Variants in PML observed in about 807,000 individuals in gnomAD.
PML encodes the protein PML nuclear body scaffold, also known as protein PML.
In PML, 28 loss-of-function variants were observed where a neutral mutation model predicts 65.2. That is an observed-to-expected ratio of 0.43 (90% CI 0.32 to 0.59). PML has a LOEUF of 0.59. PML is among the 20% of genes least tolerant of loss of function. The pLI, the probability that PML is intolerant of heterozygous loss-of-function variation, is 0.08. For synonymous variants in PML, 500 were observed against 508.8 expected, an observed-to-expected ratio of 0.98 and a Z score of 0.23; for missense variants, 1,021 against 1,203.4, an observed-to-expected ratio of 0.85 and a Z score of 2.24.
intron 2 of PML, among the ~76,000 whole-genome samples, chr15:74,006,426 G>A (rs371947125): frequency 1.3e-4 from 19 of 151,094 alleles, no homozygotes; most frequent in African/African-American, 3.9e-4. Context: ...AAAAACAGGA[G>A]CTTTTTAGCA....
intron 2 of PML, among the ~76,000 whole-genome samples, chr15:74,009,669 G>GTGCAATTATA: frequency 6.6e-6 from 1 of 152,186 alleles, no homozygotes; most frequent in South Asian, 2.1e-4. Flanking sequence ...GGAGTGCAGT[G>GTGCAATTATA]GCACAGTCAT....
At chr15:74,014,337 G>A (rs980176264) in intron 2 of PML, among the ~76,000 whole-genome samples, 13 of 151,920 alleles carry the variant, frequency 8.6e-5, no homozygotes, top group Non-Finnish European at 1.8e-4. Context: ...AGTAATTTTG[G>A]GGGGGTTTTT....
intron 7 of PML, chr15:74,034,992 C>T (rs762388865): frequency 3.9e-5 from 59 of 1,512,358 alleles, no homozygotes; most frequent in Non-Finnish European, 5.1e-5. Flanking sequence ...TATATAAATC[C>T]ATTCCACAGT....
chr15:74,005,490 C>A (rs377294605), intron 2 of PML, among the ~76,000 whole-genome samples: 1 of 151,666 alleles, frequency 6.6e-6, no homozygotes, highest in African/African-American at 2.4e-5. Flanking sequence ...GAGAGCTCCT[C>A]GAATTGTTTT....
intron 4 of PML, chr15:74,031,256 CT>C (rs199526336): frequency 6.7e-6 from 3 of 445,190 alleles, no homozygotes; most frequent in South Asian, 1.6e-5. Flanking sequence ...TGTCTGGTTT[CT>C]TTTTTTAAAA....
chr15:74,008,477 G>A (rs1419322185), intron 2 of PML, among the ~76,000 whole-genome samples: 6 of 152,184 alleles, frequency 3.9e-5, no homozygotes, highest in African/African-American at 7.2e-5. Context: ...GGTGGCTCAC[G>A]CCTGTAATCC....
chr15:74,014,180 T>G (rs150839147), intron 2 of PML, among the ~76,000 whole-genome samples: 1 of 152,250 alleles, frequency 6.6e-6, no homozygotes, highest in African/African-American at 2.4e-5. Context: ...GGAGGCCTCT[T>G]AGGACATCGT....
chr15:74,015,740 T>C (rs531163005), intron 2 of PML, among the ~76,000 whole-genome samples: 1 of 152,364 alleles, frequency 6.6e-6, no homozygotes, highest in East Asian at 1.9e-4. Flanking sequence ...CATAGCACTG[T>C]GCTGAGTCCT....
chr15:74,043,293 G>A lies in PML; in HGVS notation c.1861+154G>A. 6.6e-7 allele frequency: 1 copy of A among 1,515,940 alleles called. No homozygotes were observed. The highest frequency in any genetic ancestry group is 2.1e-4 in the Middle Eastern group (1 of 4,682). The allele number at this position is 1,515,940 out of a possible 1,614,324, so 93.9% of individuals were successfully genotyped here. ...GGGCAGAGCACTCCGGCTCACCTGG[G>A]CTCCTGGCGTGTCATTTGCTGGCTT... On this transcript the variant is annotated intron_variant, in intron 8 of 8. Transcript: ENST00000268058. This position sits in a 1 kb window ranked among gnomAD's most constrained non-coding sequence, Gnocchi z 4.3.
intron 7 of PML, among the ~76,000 whole-genome samples, chr15:74,039,170 G>GT (rs1221968856): frequency 6.6e-6 from 1 of 152,230 alleles, no homozygotes; most frequent in Non-Finnish European, 1.5e-5. Flanking sequence ...AGGGAGGCCT[G>GT]TGGGGAATGG....
intron 1 of PML, among the ~76,000 whole-genome samples, chr15:73,997,713 C>A (rs1446251344): frequency 6.6e-6 from 1 of 152,176 alleles, no homozygotes; most frequent in African/African-American, 2.4e-5. Context: ...GTGTATCTAC[C>A]TTCCAAACTG....
intron 1 of PML, among the ~76,000 whole-genome samples, chr15:73,997,750 A>G (rs567709671): frequency 1.3e-3 from 191 of 152,296 alleles, no homozygotes; most frequent in Middle Eastern, 0.01. Context: ...AATGTATCCT[A>G]CACCTCTTAT....
chr15:74,031,357 G>A (rs1220503754), intron 4 of PML: 3 of 390,632 alleles, frequency 7.7e-6, no homozygotes, highest in Non-Finnish European at 1.5e-5. Context: ...TCACTGCAAT[G>A]TCTGCCTCAG....
At chr15:74,034,189 T>G in intron 6 of PML, 1 of 498,738 alleles carries the variant, frequency 2.0e-6, no homozygotes. Context: ...AGGTAGCAGT[T>G]GTCAGGCCTC....
chr15:74,023,391 G>T lies in PML; in HGVS notation c.1166G>T (p.Cys389Phe). 6.3e-7 allele frequency: 1 copy of T among 1,598,820 alleles called. No individual in the cohort carries two copies. Residue 389 changes from cysteine (C) to phenylalanine (F), a missense_variant, in exon 3 of 9, where the codon TGC (cysteine) becomes TTC (phenylalanine). Cys to Phe is a radical substitution (Grantham distance 205). Transcript: ENST00000268058. ...GTGCGCCTGCAGGACCTCAGCTCTT[G>T]CATCACCCAGGGGAAAGGTAAGCAC... ...FKVRLQDLSSCITQGKDAAVS... is the reference protein window; with the variant it reads ...FKVRLQDLSSFITQGKDAAVS...
chr15:74,036,222 T>C, intron 7 of PML: 2 of 1,551,856 alleles, frequency 1.3e-6, no homozygotes, highest in Non-Finnish European at 8.6e-7. Context: ...CTGTCACCCT[T>C]GCACTCTCCT....
intron 2 of PML, among the ~76,000 whole-genome samples, chr15:74,009,686 C>A (rs2070229571): frequency 1.3e-5 from 2 of 148,704 alleles, no homozygotes; most frequent in African/African-American, 4.9e-5. Flanking sequence ...TCATGGCTTG[C>A]GGCAGCCTCA....
At chr15:74,025,979 G>A (rs1233052652) in intron 4 of PML, 2 of 152,348 alleles carry the variant, frequency 1.3e-5, no homozygotes, top group Admixed American at 6.5e-5. Flanking sequence ...TGTAGGTTGA[G>A]GCAATCAGGA....
rs2071778603 is a variant in PML, at chr15:74,047,082, C to G, written c.*2074C>G. 4.3e-6 allele frequency: 1 copy of G among 230,372 alleles called. No individual in the cohort carries two copies. The highest frequency in any genetic ancestry group is 8.6e-6 in the Non-Finnish European group (1 of 116,296). The allele number at this position is 230,372 out of a possible 1,614,324, so 14.3% of individuals were successfully genotyped here. On this transcript the variant is annotated 3_prime_UTR_variant, in exon 9 of 9. Transcript: ENST00000268058. ...AAGCACCGATTTCAAGAATTACTTC[C>G]TAGAGAAAGTCAGGAACTAGAGACC...
Sources: allele counts gnomAD v4.1 joint callset (sites outside exome capture counted in the v4.1 genomes callset), GRCh38; gene constraint gnomAD v4.1.1; non-coding constraint Gnocchi (gnomAD v3.1); transcripts MANE v1.5; gene names NCBI Gene and HGNC (gene_info 2026-07-23, HGNC 2026-07-21).